AGBL4: variants seen among roughly 807,000 people sequenced by gnomAD.
The protein encoded by AGBL4 is AGBL carboxypeptidase 4, also known as cytosolic carboxypeptidase 6.
A neutral mutation model predicts 66.4 loss-of-function variants in AGBL4; 58 were observed. The ratio of observed to expected loss-of-function variants is 0.87; its 90% CI spans 0.71 to 1.09. AGBL4 has a LOEUF of 1.09. Ranked by LOEUF, AGBL4 falls within the 50% of genes least tolerant of loss-of-function variation. AGBL4 has a pLI of 0.00. For missense variants in AGBL4, 579 were observed against 631.0 expected, an observed-to-expected ratio of 0.92 and a Z score of 0.88; for synonymous variants, 234 against 222.9, an observed-to-expected ratio of 1.05 and a Z score of -0.44.
At chr1:49,731,881 A>G (rs1649481849) in intron 2 of AGBL4, among the ~76,000 whole-genome samples, 1 of 152,334 alleles carries the variant, frequency 6.6e-6, no homozygotes, top group African/African-American at 2.4e-5. Flanking sequence ...GTATACAAAA[A>G]TCAGAGAAGG....
At chr1:49,604,596 TC>T (rs1277265076) in intron 3 of AGBL4, among the ~76,000 whole-genome samples, 1 of 152,178 alleles carries the variant, frequency 6.6e-6, no homozygotes, top group Non-Finnish European at 1.5e-5. Context: ...ATTAATTTGT[TC>T]TGTTTTTGTC....
intron 5 of AGBL4, among the ~76,000 whole-genome samples, chr1:48,959,842 C>T (rs989628417): frequency 3.3e-5 from 5 of 152,130 alleles, no homozygotes; most frequent in African/African-American, 1.2e-4. Flanking sequence ...AAGAATAGAT[C>T]AATGAGGTAG....
chr1:48,715,343 C>G (rs374309256), intron 6 of AGBL4, among the ~76,000 whole-genome samples: 91 of 152,314 alleles, frequency 6.0e-4, no homozygotes, highest in African/African-American at 2.1e-3. Context: ...TGGCTTCAAT[C>G]CAGCCCAGTA....
intron 3 of AGBL4, among the ~76,000 whole-genome samples, chr1:49,452,878 T>A (rs114278322): frequency 2.4e-4 from 37 of 152,012 alleles, no homozygotes; most frequent in Middle Eastern, 3.4e-3. Context: ...GTGCTGTGTG[T>A]GTGTAGGAGA....
At chr1:48,710,929 C>CAAAAAAAAAAAAAAAA (rs1557895437) in intron 6 of AGBL4, among the ~76,000 whole-genome samples, 2 of 152,164 alleles carry the variant, frequency 1.3e-5, no homozygotes, top group African/African-American at 4.8e-5. Context: ...AGATCCAGCT[C>CAAAAAAAAAAAAAAAA]AGACATTACC....
chr1:48,837,741 A>C (rs1414080462), intron 6 of AGBL4, among the ~76,000 whole-genome samples: 1 of 134,844 alleles, frequency 7.4e-6, no homozygotes, highest in Non-Finnish European at 1.6e-5. Flanking sequence ...ATATATATAT[A>C]TCCTGTTAGT....
intron 6 of AGBL4, among the ~76,000 whole-genome samples, chr1:48,711,215 T>C (rs113725364): frequency 0.026 from 3,932 of 152,158 alleles, 54 homozygotes; most frequent in Middle Eastern, 0.044. Flanking sequence ...TGGGGGGCTG[T>C]GGAGGAGCAG....
intron 3 of AGBL4, among the ~76,000 whole-genome samples, chr1:49,547,372 T>C (rs1652576271): frequency 6.6e-6 from 1 of 152,250 alleles, no homozygotes; most frequent in Non-Finnish European, 1.5e-5. Flanking sequence ...GTACCTATTT[T>C]TATAGCAGTA....
intron 3 of AGBL4, among the ~76,000 whole-genome samples, chr1:49,431,261 T>C (rs186312198): frequency 1.3e-5 from 2 of 152,252 alleles, no homozygotes; most frequent in Admixed American, 6.5e-5. Flanking sequence ...TCATGAGATA[T>C]GTTAAGTTCA....
At chr1:49,413,717 T>G (rs550636626) in intron 3 of AGBL4, among the ~76,000 whole-genome samples, 2 of 152,292 alleles carry the variant, frequency 1.3e-5, no homozygotes, top group Non-Finnish European at 2.9e-5. Flanking sequence ...CAATCACAAT[T>G]TGCCTGATCT....
At chr1:48,527,910 G>A (rs1234138473), downstream of AGBL4, among the ~76,000 whole-genome samples, 1 of 152,176 alleles carries the variant, frequency 6.6e-6, no homozygotes, top group Non-Finnish European at 1.5e-5. Context: ...ATAAAATGGG[G>A]TCATGTTTTA....
At chr1:49,618,543 G>A (rs1378822990) in intron 3 of AGBL4, among the ~76,000 whole-genome samples, 3 of 152,178 alleles carry the variant, frequency 2.0e-5, no homozygotes, top group African/African-American at 7.2e-5. Flanking sequence ...GAGGTACAAA[G>A]AGGAGGTGGT....
chr1:49,231,836 C>A (rs1344496443), intron 4 of AGBL4, among the ~76,000 whole-genome samples: 2 of 152,126 alleles, frequency 1.3e-5, no homozygotes, highest in African/African-American at 4.8e-5. Flanking sequence ...TTCTGTTTTT[C>A]ATTTTCATTA....
chr1:49,681,997 T>C lies in AGBL4; in HGVS notation c.282+15316A>G, dbSNP rs553178871. On this transcript the variant is annotated intron_variant, in intron 3 of 13. Coordinates refer to ENST00000371839, the MANE Select transcript of AGBL4 (RefSeq NM_032785.4). ...AGAAAGAAAGTGGCTTTCTCCTACC[T>C]TGGCCTCTGCCTACTAAAAAAGTAC... Among the ~76,000 whole-genome samples the C allele has an allele frequency of 2.0e-5, 3 of 152,306 alleles. No individual in the cohort carries two copies. The East Asian group carries it at 5.8e-4, about 29-fold the overall frequency.
At chr1:50,009,368 T>G (rs1008430340) in intron 1 of AGBL4, among the ~76,000 whole-genome samples, 1 of 151,912 alleles carries the variant, frequency 6.6e-6, no homozygotes, top group African/African-American at 2.4e-5. Flanking sequence ...CATATGTAAA[T>G]CAATCAATAT....
intron 9 of AGBL4, 101 bp from the exon 10 acceptor site, chr1:48,591,086 A>ACCCCCCC (rs1644910461): frequency 1.5e-6 from 1 of 654,268 alleles, no homozygotes; most frequent in African/African-American, 3.6e-5. Flanking sequence ...ACACACACCC[A>ACCCCCCC]CCCACCCCCC....
intron 6 of AGBL4, among the ~76,000 whole-genome samples, chr1:48,764,603 C>T (rs1644440641): frequency 6.6e-6 from 1 of 152,140 alleles, no homozygotes; most frequent in South Asian, 2.1e-4. Context: ...GCCTTGAATG[C>T]CAAGTTAAGA....
chr1:49,839,593 T>C (rs1342251197), intron 2 of AGBL4, among the ~76,000 whole-genome samples: 2 of 152,214 alleles, frequency 1.3e-5, no homozygotes, highest in East Asian at 1.9e-4. Flanking sequence ...TGAGGAATAA[T>C]GTAATATAAT....
intron 4 of AGBL4, among the ~76,000 whole-genome samples, chr1:49,096,321 C>T (rs1021733230): frequency 3.3e-5 from 5 of 152,024 alleles, no homozygotes; most frequent in Admixed American, 3.3e-4. Flanking sequence ...CCATTTGACC[C>T]AGCCATCCCT....
Sources: allele counts gnomAD v4.1 joint callset (sites outside exome capture counted in the v4.1 genomes callset), GRCh38; gene constraint gnomAD v4.1.1; transcripts MANE v1.5; gene names NCBI Gene and HGNC (gene_info 2026-07-23, HGNC 2026-07-21).